The following PLCH2 variants were observed in gnomAD, a reference collection of about 807,000 sequenced individuals.
The protein encoded by PLCH2 is 1-phosphatidylinositol 4,5-bisphosphate phosphodiesterase eta-2.
PLCH2 carries 98 observed loss-of-function variants against 134.7 expected under a neutral mutation model. The ratio of observed to expected loss-of-function variants is 0.73; its 90% CI spans 0.62 to 0.86. PLCH2 has a LOEUF of 0.86. Ranked by LOEUF, PLCH2 falls within the 40% of genes least tolerant of loss-of-function variation. The pLI is 0.00. For synonymous variants in PLCH2, 974 were observed against 827.5 expected (o/e 1.18, Z -3.04); for missense variants, 1,994 against 1,986.6 (o/e 1.00, Z -0.07).
intron 2 of PLCH2, among the ~76,000 whole-genome samples, chr1:2,436,487 CTCCTCCCTCCTCCT>C (rs1557943879): frequency 3.3e-5 from 1 of 30,370 alleles, no homozygotes; most frequent in African/African-American, 2.8e-4. Context: ...CCCTCCTCCC[CTCCTCCCTCCTCCT>C]CCTTTCCTCC....
upstream of PLCH2, among the ~76,000 whole-genome samples, chr1:2,473,892 A>G (rs917447161): frequency 1.3e-5 from 2 of 152,216 alleles, no homozygotes; most frequent in Non-Finnish European, 2.9e-5. Flanking sequence ...AGCCAGGTGC[A>G]TTGCTACAAT....
upstream of PLCH2, among the ~76,000 whole-genome samples, chr1:2,466,708 G>A (rs1441953338): frequency 1.3e-5 from 2 of 152,256 alleles, no homozygotes; most frequent in Non-Finnish European, 2.9e-5. Context: ...CACCCCCCAT[G>A]GGTGGACGTC....
At chr1:2,450,608 C>T (rs1640157345) in intron 2 of PLCH2, among the ~76,000 whole-genome samples, 1 of 94,738 alleles carries the variant, frequency 1.1e-5, no homozygotes, top group East Asian at 4.3e-4. Context: ...GCCCCCCACT[C>T]GGCCTGCCCT....
At chr1:2,458,492 C>T (rs562504808) in intron 2 of PLCH2, among the ~76,000 whole-genome samples, 18 of 152,272 alleles carry the variant, frequency 1.2e-4, no homozygotes, top group African/African-American at 3.6e-4. Flanking sequence ...GGCCGGGGAA[C>T]GGGTGCCAGG....
chr1:2,419,393 T>G, the PLCH2 span, among the ~76,000 whole-genome samples: 1 of 152,088 alleles, frequency 6.6e-6, no homozygotes, highest in Non-Finnish European at 1.5e-5. Context: ...TCCCACTGAT[T>G]GTGAAGAGAC....
Position 2,487,295 on chromosome 1 carries a change from C to G in PLCH2, c.1033C>G (p.Leu345Val). Residue 345 changes from leucine (L) to valine (V), a missense_variant, in exon 7 of 22, where the codon CTC becomes GTC. Leu to Val is a conservative substitution (Grantham distance 32). This residue lies in a region of PLCH2 where 1,094 missense variants were observed against 1,234.3 expected (regional missense o/e 0.89). Coordinates refer to ENST00000378486, the MANE Select transcript of PLCH2 (RefSeq NM_014638.4). ...CATCACCTCGTCCCACAACACCTAC[C>G]TCGTGGGTGACCAGCTCATGTCCCA... ...YFITSSHNTY[L>V]VGDQLMSQSR... 6.2e-7 allele frequency: 1 copy of G among 1,613,682 alleles called. No homozygotes were observed. Among genetic ancestry groups the G allele is most frequent in the Non-Finnish European group, 8.5e-7 (1 of 1,179,720 alleles).
chr1:2,475,066 G>A (rs1248890834), upstream of PLCH2, among the ~76,000 whole-genome samples: 1 of 152,178 alleles, frequency 6.6e-6, no homozygotes, highest in African/African-American at 2.4e-5. Context: ...CGGGGCCCCT[G>A]GTGGGGGCCT....
chr1:2,454,821 C>A (rs1253144187), intron 2 of PLCH2, among the ~76,000 whole-genome samples: 1 of 152,184 alleles, frequency 6.6e-6, no homozygotes. Flanking sequence ...GCACTATGTC[C>A]TTGGCCAGGT....
rs376998625 is a variant in PLCH2, at chr1:2,498,697, C to T, written c.2350-47C>T. On this transcript the variant is annotated intron_variant, in intron 17 of 21. Transcript: ENST00000378486. The surrounding 1 kb of genome is among the most constrained non-coding windows in gnomAD (Gnocchi z 5.4). ...GGAGGGGTGGGAGTTGGGGGCGGGCCGGGCATCGCGATGGGCCCTGATGCC... is the reference window on the plus strand; with the variant it reads ...GGAGGGGTGGGAGTTGGGGGCGGGCTGGGCATCGCGATGGGCCCTGATGCC... 2.4e-5 allele frequency: 37 copies of T among 1,548,898 alleles called. No individual in the cohort carries two copies. In the Admixed American group the frequency reaches 4.3e-4, roughly 18 times the overall value.
At chr1:2,459,650 C>T (rs572297248) in intron 2 of PLCH2, among the ~76,000 whole-genome samples, 1 of 47,092 alleles carries the variant, frequency 2.1e-5, no homozygotes, top group South Asian at 6.7e-4. Flanking sequence ...TCTTCCTTTC[C>T]GGTGGTCCTC....
In PLCH2 at chr1:2,495,202, C is replaced by T. The variant is rs529794011; in HGVS notation, c.1752+254C>T. 1.5e-3 allele frequency among the ~76,000 whole-genome samples: 221 copies of T among 152,312 alleles called. 1 individual carries two copies. Among genetic ancestry groups the T allele is most frequent in the South Asian group, 6.2e-3 (30 of 4,824 alleles). On this transcript the variant is annotated intron_variant, in intron 12 of 21. Coordinates refer to ENST00000378486, the MANE Select transcript of PLCH2 (RefSeq NM_014638.4). ...AGGGACTGGGCCAGAAGCCTGGGCT[C>T]GGAGCTGGTGGGAACAGGTGCCTGG...
At chr1:2,456,419 C>G (rs1640496853) in intron 2 of PLCH2, among the ~76,000 whole-genome samples, 1 of 152,126 alleles carries the variant, frequency 6.6e-6, no homozygotes, top group African/African-American at 2.4e-5. Flanking sequence ...CGCTCTGGGG[C>G]TCGTCAAAAA....
chr1:2,500,758 G>T (rs935342691), intron 20 of PLCH2: 6 of 150,664 alleles, frequency 4.0e-5, no homozygotes, highest in Non-Finnish European at 7.4e-5. Flanking sequence ...CTGGGTGGCC[G>T]CCTTCTCACT....
intron 2 of PLCH2, among the ~76,000 whole-genome samples, chr1:2,437,207 T>C (rs1008263149): frequency 4.6e-5 from 7 of 152,138 alleles, no homozygotes; most frequent in Non-Finnish European, 8.8e-5. Context: ...GGAGCAGGCT[T>C]GGGTTATGGC....
At chr1:2,475,356 C>T (rs190197641), upstream of PLCH2, among the ~76,000 whole-genome samples, 44 of 152,312 alleles carry the variant, frequency 2.9e-4, no homozygotes, top group African/African-American at 9.1e-4. Context: ...GGAAGAAGGG[C>T]GGGGTTCTCC....
At chr1:2,450,589 T>A (rs1426624291) in intron 2 of PLCH2, among the ~76,000 whole-genome samples, 13 of 48,660 alleles carry the variant, frequency 2.7e-4, no homozygotes, top group Non-Finnish European at 4.4e-4. Flanking sequence ...TCCCCCTCAC[T>A]CCCCACCTGC....
At chr1:2,417,819 G>A in the PLCH2 span, among the ~76,000 whole-genome samples, 7 of 152,192 alleles carry the variant, frequency 4.6e-5, no homozygotes, top group East Asian at 1.9e-4. Flanking sequence ...CAGCCTCTGC[G>A]CTGAGGTGTG....
Position 2,496,874 on chromosome 1 carries a change from C to A in PLCH2, c.1980C>A (p.His660Gln). Residue 660 changes from histidine to glutamine, a missense_variant, in exon 15 of 22, where the codon CAC becomes CAA. Coordinates refer to ENST00000378486, the MANE Select transcript of PLCH2 (RefSeq NM_014638.4). ...QVSSFSETKA[H>Q]QILQQKPAQY... ...CGTCCTTCAGCGAGACCAAGGCCCA[C>A]CAGATTCTGCAGCAGAAGCCGGCGC... is the stretch of plus-strand genomic sequence containing the variant. 1 of 1,612,986 alleles carries A rather than the reference C, an allele frequency of 6.2e-7. No individual in the cohort carries two copies. The highest frequency in any genetic ancestry group is 1.1e-5 in the South Asian group (1 of 91,088).
At chr1:2,431,417 T>A (rs1639064971) in intron 2 of PLCH2, among the ~76,000 whole-genome samples, 1 of 152,172 alleles carries the variant, frequency 6.6e-6, no homozygotes. Flanking sequence ...TCTCCAGATA[T>A]GCCCAGACAG....
Sources: gnomAD v4.1 joint callset for allele counts (sites outside exome capture counted in the v4.1 genomes callset) on GRCh38, gnomAD v4.1.1 for gene constraint, gnomAD v4.1.1 regional missense constraint, Gnocchi (gnomAD v3.1) non-coding constraint, MANE v1.5 for transcripts, NCBI Gene and HGNC (gene_info 2026-07-23, HGNC 2026-07-21) for gene names.